IQSEC1: variants seen among roughly 807,000 people sequenced by gnomAD.
The protein encoded by IQSEC1 is IQ motif and Sec7 domain ArfGEF 1, also known as IQ motif and SEC7 domain-containing protein 1.
Under a neutral mutation model 91.0 loss-of-function variants are expected in IQSEC1, and 31 were observed. That is an observed-to-expected ratio of 0.34 (90% CI 0.26 to 0.46). The LOEUF (loss-of-function observed/expected upper bound fraction) is 0.46. Ranked by LOEUF, IQSEC1 falls within the 20% of genes least tolerant of loss-of-function variation. The pLI is 1.00. For missense variants in IQSEC1, 1,388 were observed against 1,575.6 expected (o/e 0.88, Z 2.02); for synonymous variants, 699 against 662.6 (o/e 1.05, Z -0.84).
intron 1 of IQSEC1, among the ~76,000 whole-genome samples, chr3:13,188,777 A>G (rs1311615583): frequency 6.6e-6 from 1 of 152,246 alleles, no homozygotes; most frequent in Non-Finnish European, 1.5e-5. Flanking sequence ...TCCACAGGAA[A>G]AAGCCAACTA....
chr3:13,266,878 G>C (rs945395644), intron 1 of IQSEC1, among the ~76,000 whole-genome samples: 1 of 152,168 alleles, frequency 6.6e-6, no homozygotes, highest in Non-Finnish European at 1.5e-5. Flanking sequence ...GGGCACATCT[G>C]CTCCCCCACC....
intron 2 of IQSEC1, among the ~76,000 whole-genome samples, chr3:12,939,069 C>A (rs547722311): frequency 1.3e-4 from 20 of 152,308 alleles, no homozygotes; most frequent in Admixed American, 9.2e-4. Context: ...ACTATGTGTG[C>A]TGGGGACCCC....
chr3:13,122,478 G>C (rs889739426), intron 2 of IQSEC1, among the ~76,000 whole-genome samples: 10 of 151,906 alleles, frequency 6.6e-5, no homozygotes, highest in African/African-American at 2.4e-4. Flanking sequence ...GAGAGGGAGG[G>C]AGGAAGTGAG....
intron 1 of IQSEC1, among the ~76,000 whole-genome samples, chr3:12,991,104 T>C (rs1413299266): frequency 6.6e-6 from 1 of 152,194 alleles, no homozygotes; most frequent in Non-Finnish European, 1.5e-5. Context: ...TCTGGAAGAC[T>C]GGTATATTAC....
At position 12,900,668 on chromosome 3, in the gene IQSEC1, G is replaced by C; in HGVS notation, c.*315C>G. On this transcript the variant is annotated 3_prime_UTR_variant, in exon 14 of 14. Coordinates refer to ENST00000613206, the MANE Select transcript of IQSEC1 (RefSeq NM_001134382.3). The stretch of plus-strand genomic sequence containing the variant: ...CATGTACATTAGGGCACAGGGAGCT[G>C]AGAGCTGGAGTGGGGGAGGCAGTTC... 1 of 1,288,110 alleles carries C rather than the reference G, an allele frequency of 7.8e-7. No individual in the cohort carries two copies. The highest frequency in any genetic ancestry group is 9.9e-7 in the Non-Finnish European group (1 of 1,013,884). 79.8% of individuals were successfully genotyped at this position (1,288,110 alleles called of 1,614,324 possible). A position where few individuals can be genotyped will look rare whatever the true frequency, so the allele number is the denominator to read the frequency against.
chr3:12,933,116 C>T (rs937715602), intron 3 of IQSEC1, among the ~76,000 whole-genome samples: 4 of 152,212 alleles, frequency 2.6e-5, no homozygotes, highest in East Asian at 1.9e-4. Flanking sequence ...GGGCAAAGGC[C>T]GGGACATACC....
chr3:13,229,865 T>C (rs1694815566), intron 1 of IQSEC1, among the ~76,000 whole-genome samples: 1 of 152,220 alleles, frequency 6.6e-6, no homozygotes, highest in South Asian at 2.1e-4. Context: ...CCAACCTGTC[T>C]GTGCTTGCTT....
chr3:13,103,690 A>G lies in IQSEC1; in HGVS notation c.303-56168T>C, dbSNP rs1246388380. ...CAGGGGAGCGGGGCTGGCAGCTGTG[A>G]TTTCAGAGCAGGGGAAGGTTGGAGG... On this transcript the variant is annotated intron_variant, in intron 2 of 15. Coordinates refer to the IQSEC1 transcript ENST00000648114. This position sits in a 1 kb window ranked among gnomAD's most constrained non-coding sequence, Gnocchi z 4.1. 2.0e-5 allele frequency among the ~76,000 whole-genome samples: 3 copies of G among 152,132 alleles called. No individual in the cohort carries two copies. The highest frequency in any genetic ancestry group is 1.9e-4 in the East Asian group (1 of 5,138).
chr3:13,027,024 A>G (rs1012740288), intron 1 of IQSEC1, among the ~76,000 whole-genome samples: 3 of 152,180 alleles, frequency 2.0e-5, no homozygotes, highest in African/African-American at 4.8e-5. Flanking sequence ...CTTGTCATTT[A>G]TATCTGCAGT....
At chr3:13,134,111 G>A (rs965117782) in intron 2 of IQSEC1, among the ~76,000 whole-genome samples, 2 of 152,244 alleles carry the variant, frequency 1.3e-5, no homozygotes, top group African/African-American at 4.8e-5. Flanking sequence ...TGCTGAGGGA[G>A]TTCATCTCCC....
At chr3:12,964,621 T>C (rs551851298) in intron 1 of IQSEC1, among the ~76,000 whole-genome samples, 30 of 152,262 alleles carry the variant, frequency 2.0e-4, no homozygotes, top group African/African-American at 7.0e-4. Context: ...TATCATTCCC[T>C]TTCACAGAAG....
chr3:13,082,447 G>A (rs1332208913), intron 2 of IQSEC1, among the ~76,000 whole-genome samples: 2 of 152,234 alleles, frequency 1.3e-5, no homozygotes, highest in Non-Finnish European at 2.9e-5. Flanking sequence ...AAGTCAGAGT[G>A]AGACCAGCCT....
chr3:13,100,268 G>C lies in IQSEC1; in HGVS notation c.303-52746C>G. Among the ~76,000 whole-genome samples, 2 of 148,212 alleles carry C rather than the reference G, an allele frequency of 1.3e-5. 1 individual carries two copies. The highest frequency in any genetic ancestry group is 3.0e-5 in the Non-Finnish European group (2 of 67,060). On this transcript the variant is annotated intron_variant, in intron 2 of 15. Coordinates refer to the IQSEC1 transcript ENST00000648114. ...GTCCTCCCTCCAAAACAGAAGAATT[G>C]GCTGGCTCCTTCCTCTCTTGTTACC... is the stretch of plus-strand genomic sequence containing the variant.
At position 12,927,893 on chromosome 3, in the gene IQSEC1, G is replaced by A. The variant is rs577739281; in HGVS notation, c.1569-3151C>T. Reference sequence around the variant, plus strand: ...TGAGGTGGGTGGGGAGACCTGAGAGGCTATTCCAGGGTTGAGCACAGGGAC... The same window carrying A: ...TGAGGTGGGTGGGGAGACCTGAGAGACTATTCCAGGGTTGAGCACAGGGAC... On this transcript the variant is annotated intron_variant, in intron 3 of 13. Transcript: ENST00000613206. Among the ~76,000 whole-genome samples, 9 of 152,282 alleles carry A rather than the reference G, an allele frequency of 5.9e-5. No homozygotes were observed. The South Asian group carries it at 1.7e-3, about 28-fold the overall frequency.
intron 1 of IQSEC1, among the ~76,000 whole-genome samples, chr3:13,185,012 A>G (rs1693906769): frequency 1.3e-5 from 2 of 152,186 alleles, no homozygotes; most frequent in African/African-American, 4.8e-5. Context: ...ACAAGCAGGG[A>G]AAACCAGAGA....
At position 12,900,103 on chromosome 3, in the gene IQSEC1, A is replaced by G. The variant is rs1694080614; in HGVS notation, c.*880T>C. The G allele has an allele frequency of 3.1e-6, 3 of 981,170 alleles. No homozygotes were observed. The highest frequency in any genetic ancestry group is 3.6e-6 in the Non-Finnish European group (3 of 826,266). 60.8% of individuals were successfully genotyped at this position (981,170 alleles called of 1,614,324 possible). The stretch of plus-strand genomic sequence containing the variant: ...CTGTAGAGTGTACTGCAGTTTAGCT[A>G]TTTGCTTACCTGAAATAACAGCATT... On this transcript the variant is annotated 3_prime_UTR_variant, in exon 14 of 14. Transcript: ENST00000613206.
chr3:13,081,993 G>A (rs1011670162), intron 2 of IQSEC1, among the ~76,000 whole-genome samples: 11 of 152,226 alleles, frequency 7.2e-5, no homozygotes, highest in African/African-American at 2.4e-4. Flanking sequence ...TGAGAGCAGG[G>A]CCACCGGGCA....
chr3:12,956,404 G>T (rs1188622704), intron 1 of IQSEC1, among the ~76,000 whole-genome samples: 1 of 152,162 alleles, frequency 6.6e-6, no homozygotes, highest in Admixed American at 6.6e-5. Flanking sequence ...ATGGCTGGTG[G>T]GAACACCAAG....
chr3:12,907,321 G>A (rs1695085788), intron 12 of IQSEC1, among the ~76,000 whole-genome samples: 2 of 152,220 alleles, frequency 1.3e-5, no homozygotes, highest in East Asian at 1.9e-4. Flanking sequence ...GGCTGCTGAC[G>A]GGCAGGTGCG....
Sources: gnomAD v4.1 joint callset for allele counts (sites outside exome capture counted in the v4.1 genomes callset) on GRCh38, gnomAD v4.1.1 for gene constraint, Gnocchi (gnomAD v3.1) non-coding constraint, MANE v1.5 for transcripts, NCBI Gene and HGNC (gene_info 2026-07-23, HGNC 2026-07-21) for gene names.